Variants in THEMIS observed in about 807,000 individuals in gnomAD.
The protein encoded by THEMIS is protein THEMIS.
A neutral mutation model predicts 52.6 loss-of-function variants in THEMIS; 37 were observed. The observed-to-expected ratio is 0.70, with a 90% CI of 0.54 to 0.93. THEMIS has a LOEUF of 0.93. THEMIS is among the 40% of genes least tolerant of loss of function. The pLI, the probability that THEMIS is intolerant of heterozygous loss-of-function variation, is 0.00. For synonymous variants in THEMIS, 292 were observed against 272.7 expected (o/e 1.07, Z -0.70); for missense variants, 808 against 763.1 (o/e 1.06, Z -0.69).
At chr6:127,869,441 A>G (rs889614734) in intron 1 of THEMIS, among the ~76,000 whole-genome samples, 4 of 152,182 alleles carry the variant, frequency 2.6e-5, no homozygotes, top group Admixed American at 2.6e-4. Flanking sequence ...ACATCCAAAG[A>G]GAGTATCACA....
intron 2 of THEMIS, among the ~76,000 whole-genome samples, chr6:127,846,056 C>G (rs1343319762): frequency 6.6e-6 from 1 of 151,908 alleles, no homozygotes; most frequent in Non-Finnish European, 1.5e-5. Flanking sequence ...CAACAGAGCC[C>G]TTCAACACAT....
intron 4 of THEMIS, among the ~76,000 whole-genome samples, chr6:127,772,513 G>C (rs1039555701): frequency 6.6e-6 from 1 of 151,968 alleles, no homozygotes; most frequent in Non-Finnish European, 1.5e-5. Context: ...AAAAGTTCTA[G>C]CATCTGAGCT....
At chr6:127,868,607 G>A in intron 1 of THEMIS, 1 of 274,782 alleles carries the variant, frequency 3.6e-6, no homozygotes, top group Non-Finnish European at 5.5e-6. Flanking sequence ...GTGATATCTG[G>A]CTACAAGCTG....
intron 1 of THEMIS, among the ~76,000 whole-genome samples, chr6:127,898,946 G>C (rs986591126): frequency 6.6e-6 from 1 of 151,840 alleles, no homozygotes; most frequent in Non-Finnish European, 1.5e-5. Flanking sequence ...AGAGTAGAAT[G>C]ATGGCTACCA....
chr6:127,735,076 A>G (rs1403666821), intron 4 of THEMIS, among the ~76,000 whole-genome samples: 1 of 151,368 alleles, frequency 6.6e-6, no homozygotes, highest in Non-Finnish European at 1.5e-5. Flanking sequence ...CTAGATTAGG[A>G]TGATATTGTT....
chr6:127,715,864 C>T (rs893164556), intron 5 of THEMIS, among the ~76,000 whole-genome samples: 25 of 151,840 alleles, frequency 1.6e-4, no homozygotes, highest in African/African-American at 6.0e-4. Context: ...ACAGGGCATA[C>T]AGATTATCTG....
At chr6:127,749,284 A>G (rs752088908) in intron 4 of THEMIS, among the ~76,000 whole-genome samples, 1 of 152,040 alleles carries the variant, frequency 6.6e-6, no homozygotes, top group Non-Finnish European at 1.5e-5. Flanking sequence ...ACAAGTGCAT[A>G]AAGATATGTG....
intron 1 of THEMIS, chr6:127,868,579 GA>G (rs1780056461): frequency 7.8e-6 from 4 of 515,530 alleles, no homozygotes; most frequent in Non-Finnish European, 1.0e-5. Flanking sequence ...GATATGGGAT[GA>G]CTCATAGCTT....
chr6:127,870,207 A>T (rs1309415124), intron 1 of THEMIS, among the ~76,000 whole-genome samples: 3 of 152,324 alleles, frequency 2.0e-5, no homozygotes, highest in Admixed American at 2.0e-4. Context: ...GGCACTTCCC[A>T]GCCGCATGAT....
intron 4 of THEMIS, among the ~76,000 whole-genome samples, chr6:127,796,443 C>T (rs1420537520): frequency 6.6e-6 from 1 of 151,976 alleles, no homozygotes; most frequent in Non-Finnish European, 1.5e-5. Context: ...CACTAAAGAC[C>T]AGATCAACCT....
chr6:127,729,588 TC>T (rs1774685512), intron 4 of THEMIS, among the ~76,000 whole-genome samples: 1 of 152,088 alleles, frequency 6.6e-6, no homozygotes, highest in Non-Finnish European at 1.5e-5. Context: ...TGTGAGTGCC[TC>T]CCCCTTGGAA....
chr6:127,844,687 A>C (rs1015026550), intron 2 of THEMIS, among the ~76,000 whole-genome samples: 3 of 151,890 alleles, frequency 2.0e-5, no homozygotes, highest in Non-Finnish European at 4.4e-5. Context: ...GCTCCATAAC[A>C]CTCTGAAAGA....
At chr6:127,753,913 AATGATGATG>A (rs1190698082) in intron 4 of THEMIS, among the ~76,000 whole-genome samples, 1 of 151,840 alleles carries the variant, frequency 6.6e-6, no homozygotes, top group Non-Finnish European at 1.5e-5. Context: ...AACAACAATA[AATGATGATG>A]ATGATGATGA....
intron 5 of THEMIS, among the ~76,000 whole-genome samples, chr6:127,711,058 TTTC>T (rs1247033208): frequency 2.0e-5 from 3 of 150,080 alleles, no homozygotes; most frequent in South Asian, 2.1e-4. Context: ...TTTCCCTCAC[TTTC>T]TTCTTTTTTT....
At chr6:127,822,713 G>T (rs1387415761) in intron 3 of THEMIS, among the ~76,000 whole-genome samples, 1 of 152,112 alleles carries the variant, frequency 6.6e-6, no homozygotes, top group Admixed American at 6.6e-5. Flanking sequence ...CCTAGGTGAT[G>T]CTGTGAAGGT....
intron 4 of THEMIS, among the ~76,000 whole-genome samples, chr6:127,781,696 C>G (rs1048989614): frequency 1.3e-5 from 2 of 152,184 alleles, no homozygotes; most frequent in Non-Finnish European, 2.9e-5. Flanking sequence ...CACTCCAGAC[C>G]CTGTTTGCCT....
At chr6:127,882,012 A>T (rs1462379196) in intron 1 of THEMIS, among the ~76,000 whole-genome samples, 1 of 151,302 alleles carries the variant, frequency 6.6e-6, no homozygotes, top group Non-Finnish European at 1.5e-5. Flanking sequence ...AAAAAAAAAA[A>T]ATGGTCTCCA....
intron 1 of THEMIS, among the ~76,000 whole-genome samples, chr6:127,869,891 C>T (rs1011870115): frequency 3.2e-4 from 48 of 152,272 alleles, no homozygotes; most frequent in African/African-American, 1.1e-3. Context: ...AAACAAAACA[C>T]CATTGTCTCT....
intron 4 of THEMIS, among the ~76,000 whole-genome samples, chr6:127,803,507 T>C (rs557644035): frequency 6.6e-6 from 1 of 152,266 alleles, no homozygotes; most frequent in Non-Finnish European, 1.5e-5. Flanking sequence ...CCTATCTACC[T>C]TAATGAAGAG....
Sources: gnomAD v4.1 joint callset for allele counts (sites outside exome capture counted in the v4.1 genomes callset) on GRCh38, gnomAD v4.1.1 for gene constraint, MANE v1.5 for transcripts, NCBI Gene and HGNC (gene_info 2026-07-23, HGNC 2026-07-21) for gene names.